VWC2: variants seen among roughly 807,000 people sequenced by gnomAD.
VWC2 encodes brorin.
Under a neutral mutation model 29.8 loss-of-function variants are expected in VWC2, and 14 were observed. The ratio of observed to expected loss-of-function variants is 0.47; its 90% CI spans 0.31 to 0.74. The LOEUF (loss-of-function observed/expected upper bound fraction) is 0.74, where lower values mean the gene tolerates loss of function less well. Among genes scored for constraint, VWC2 ranks in the 30% least tolerant of loss-of-function variants. The probability of loss-of-function intolerance (pLI) is 0.05; values close to 1 mark genes in which losing one functional copy is unlikely to be tolerated. For missense variants in VWC2, 457 were observed against 459.8 expected (o/e 0.99, Z 0.05); for synonymous variants, 213 against 199.0 (o/e 1.07, Z -0.59).
rs960821516 is a variant in VWC2, at chr7:49,774,112, A to C, written c.-105A>C. ...GGCGTCCGGCCCGCGCCCTGCGCTC[A>C]TGTATGTAGGTTTGGCGCCGGTCTT... On this transcript the variant is annotated splice_region_variant and 5_prime_UTR_variant, in exon 1 of 4. An upstream start codon of the reference 5' UTR is lost. Coordinates refer to ENST00000340652, the MANE Select transcript of VWC2 (RefSeq NM_198570.5). 2 of 151,982 alleles carry C rather than the reference A, an allele frequency of 1.3e-5. No individual in the cohort carries two copies. Among genetic ancestry groups the C allele is most frequent in the Non-Finnish European group, 2.9e-5 (2 of 68,030 alleles). The allele number at this position is 151,982 out of a possible 1,614,324, so 9.4% of individuals were successfully genotyped here. A position where few individuals can be genotyped will look rare whatever the true frequency, so the allele number is the denominator to read the frequency against.
chr7:49,805,074 A>AT (rs773678824), intron 3 of VWC2, among the ~76,000 whole-genome samples: 1 of 152,154 alleles, frequency 6.6e-6, no homozygotes, highest in Non-Finnish European at 1.5e-5. Context: ...TCTGTGTTCA[A>AT]TTTTTTCATT....
At chr7:49,785,841 A>T (rs1788283175) in intron 2 of VWC2, among the ~76,000 whole-genome samples, 1 of 152,234 alleles carries the variant, frequency 6.6e-6, no homozygotes, top group African/African-American at 2.4e-5. Flanking sequence ...AAAAATATTT[A>T]CTAAAAGAAC....
At chr7:49,803,734 G>A (rs1473190748) in intron 3 of VWC2, among the ~76,000 whole-genome samples, 1 of 152,180 alleles carries the variant, frequency 6.6e-6, no homozygotes, top group Non-Finnish European at 1.5e-5. Context: ...TTGGTATGTG[G>A]CAGGCATGTG....
At chr7:49,900,665 A>T (rs775780136) in intron 3 of VWC2, among the ~76,000 whole-genome samples, 1 of 151,840 alleles carries the variant, frequency 6.6e-6, no homozygotes, top group Non-Finnish European at 1.5e-5. Flanking sequence ...TCAATAATTA[A>T]CATCCTTCCA....
chr7:49,776,032 C>T lies in VWC2; in HGVS notation c.597C>T (p.Cys199=). Residue 199 remains cysteine, a synonymous_variant, in exon 2 of 4, where the codon TGC becomes TGT. Coordinates refer to ENST00000340652, the MANE Select transcript of VWC2 (RefSeq NM_198570.5). ...QPECPRLHPR[C]IHVDTSQCCP... is the part of the protein sequence containing the mutation. ...AGTGCCCGAGGCTGCACCCGCGCTGCATCCACGTCGACACGAGCCAGTGCT... is the reference window on the plus strand; with the variant it reads ...AGTGCCCGAGGCTGCACCCGCGCTGTATCCACGTCGACACGAGCCAGTGCT... The T allele has an allele frequency of 6.5e-7, 1 of 1,546,960 alleles. No individual in the cohort carries two copies. Among genetic ancestry groups the T allele is most frequent in the Non-Finnish European group, 8.7e-7 (1 of 1,151,762 alleles).
At chr7:49,788,080 C>T (rs1221701684) in intron 2 of VWC2, among the ~76,000 whole-genome samples, 2 of 152,198 alleles carry the variant, frequency 1.3e-5, no homozygotes, top group Non-Finnish European at 2.9e-5. Flanking sequence ...GTTCTAATTT[C>T]AGCCTACTTT....
intron 2 of VWC2, among the ~76,000 whole-genome samples, chr7:49,780,480 T>G (rs1303171672): frequency 6.6e-6 from 1 of 152,210 alleles, no homozygotes; most frequent in Non-Finnish European, 1.5e-5. Context: ...CATGGGAATC[T>G]TGGTCTCCTG....
At chr7:49,795,318 T>C (rs965939671) in intron 2 of VWC2, among the ~76,000 whole-genome samples, 1 of 152,172 alleles carries the variant, frequency 6.6e-6, no homozygotes, top group Non-Finnish European at 1.5e-5. Flanking sequence ...AAAGAAGACA[T>C]TGACAGAGGG....
At chr7:49,894,316 C>T (rs906738227) in intron 3 of VWC2, among the ~76,000 whole-genome samples, 9 of 152,152 alleles carry the variant, frequency 5.9e-5, no homozygotes, top group South Asian at 2.1e-4. Context: ...CCGCCATGCC[C>T]GGCTAATTTT....
intron 3 of VWC2, among the ~76,000 whole-genome samples, chr7:49,904,577 C>T (rs1194444940): frequency 1.3e-5 from 2 of 152,140 alleles, no homozygotes; most frequent in African/African-American, 4.8e-5. Context: ...TAATTAAAAT[C>T]TGTTGTAAAA....
intron 3 of VWC2, among the ~76,000 whole-genome samples, chr7:49,889,265 T>C (rs1300260727): frequency 6.6e-6 from 1 of 152,272 alleles, no homozygotes; most frequent in Non-Finnish European, 1.5e-5. Flanking sequence ...GCCATTTTTC[T>C]GTTTTTCAAG....
At chr7:49,839,592 C>G (rs1014715089) in intron 3 of VWC2, among the ~76,000 whole-genome samples, 1 of 150,608 alleles carries the variant, frequency 6.6e-6, no homozygotes, top group African/African-American at 2.5e-5. Flanking sequence ...GGATTACCAC[C>G]TTCAAACAAG....
At chr7:49,786,230 T>C (rs558018850) in intron 2 of VWC2, among the ~76,000 whole-genome samples, 1 of 152,312 alleles carries the variant, frequency 6.6e-6, no homozygotes, top group East Asian at 1.9e-4. Flanking sequence ...TGAAAACATG[T>C]GGTATTTGGT....
Position 49,915,296 on chromosome 7 carries a change from T to C in VWC2, c.*3111T>C, listed in dbSNP as rs934566651. ...AGCTAGTGCAGATGGAGAGGCACAG[T>C]GTCCTTGACATCAAGGGGTCTGTAA... On this transcript the variant is annotated 3_prime_UTR_variant, in exon 4 of 4. Coordinates refer to ENST00000340652, the MANE Select transcript of VWC2 (RefSeq NM_198570.5). 1.3e-5 allele frequency: 2 copies of C among 152,210 alleles called. No homozygotes were observed. Among genetic ancestry groups the C allele is most frequent in the African/African-American group, 4.8e-5 (2 of 41,470 alleles). The allele number at this position is 152,210 out of a possible 1,614,324, so 9.4% of individuals were successfully genotyped here.
At chr7:49,864,611 C>T (rs1198491975) in intron 3 of VWC2, among the ~76,000 whole-genome samples, 1 of 152,180 alleles carries the variant, frequency 6.6e-6, no homozygotes, top group Admixed American at 6.5e-5. Context: ...ACGGTGTTTT[C>T]GAGCATCATC....
chr7:49,832,564 A>C (rs1181694751), intron 3 of VWC2, among the ~76,000 whole-genome samples: 1 of 152,098 alleles, frequency 6.6e-6, no homozygotes, highest in Non-Finnish European at 1.5e-5. Flanking sequence ...AACAGAGGGA[A>C]CTTCCTTATT....
chr7:49,881,430 A>G (rs1791659123), intron 3 of VWC2, among the ~76,000 whole-genome samples: 1 of 152,178 alleles, frequency 6.6e-6, no homozygotes, highest in Non-Finnish European at 1.5e-5. Flanking sequence ...GAAAGTTTAA[A>G]AAATAGAGAG....
At position 49,782,332 on chromosome 7, in the gene VWC2, C is replaced by A. The variant is rs191866763; in HGVS notation, c.696+6201C>A. On this transcript the variant is annotated intron_variant, in intron 2 of 3. Coordinates refer to ENST00000340652, the MANE Select transcript of VWC2 (RefSeq NM_198570.5). ...AATTCACCTTAGAAAATTAGTGCCC[C>A]CTCCAAAATCATACAGGCAGTTGAT... is the stretch of plus-strand genomic sequence containing the variant. 2.0e-4 allele frequency among the ~76,000 whole-genome samples: 31 copies of A among 152,148 alleles called. No individual in the cohort carries two copies. The East Asian group carries it at 2.7e-3, about 13-fold the overall frequency.
intron 3 of VWC2, among the ~76,000 whole-genome samples, chr7:49,856,031 T>C (rs1445993049): frequency 6.6e-6 from 1 of 152,186 alleles, no homozygotes; most frequent in Non-Finnish European, 1.5e-5. Context: ...CCCTGCTTAG[T>C]TCAGGTATAT....
Sources: gnomAD v4.1 joint callset for allele counts (sites outside exome capture counted in the v4.1 genomes callset) on GRCh38, gnomAD v4.1.1 for gene constraint, MANE v1.5 for transcripts, NCBI Gene and HGNC (gene_info 2026-07-23, HGNC 2026-07-21) for gene names.